Variants in SMAD9 observed in about 807,000 individuals in gnomAD.
SMAD9 encodes the protein MAD homolog 9.
Under a neutral mutation model 46.1 loss-of-function variants are expected in SMAD9, and 36 were observed. The ratio of observed to expected loss-of-function variants is 0.78; its 90% CI spans 0.60 to 1.03. The LOEUF (loss-of-function observed/expected upper bound fraction) is 1.03. Ranked by LOEUF, SMAD9 falls within the 50% of genes least tolerant of loss-of-function variation. The pLI, the probability that SMAD9 is intolerant of heterozygous loss-of-function variation, is 0.00. For missense variants in SMAD9, 572 were observed against 599.8 expected (o/e 0.95, Z 0.48); for synonymous variants, 245 against 237.1 (o/e 1.03, Z -0.31).
chr13:36,852,481 T>C, intron 6 of SMAD9: 3 of 985,390 alleles, frequency 3.0e-6, no homozygotes, highest in Non-Finnish European at 3.6e-6. Flanking sequence ...TCCTTCCCAC[T>C]AAGAAACTTC....
At chr13:36,911,211 T>G (rs2058658265) in intron 1 of SMAD9, among the ~76,000 whole-genome samples, 1 of 152,056 alleles carries the variant, frequency 6.6e-6, no homozygotes, top group Non-Finnish European at 1.5e-5. Flanking sequence ...GTTTTCACCA[T>G]GTTGTCCAGG....
At chr13:36,876,552 T>C in intron 2 of SMAD9, among the ~76,000 whole-genome samples, 1 of 152,192 alleles carries the variant, frequency 6.6e-6, no homozygotes, top group African/African-American at 2.4e-5. Context: ...GCTTATATTT[T>C]CTAAGTCTTT....
chr13:36,899,353 A>G (rs2058554953), intron 1 of SMAD9, among the ~76,000 whole-genome samples: 1 of 152,230 alleles, frequency 6.6e-6, no homozygotes. Context: ...AAATCAATCT[A>G]CAGATTCCAT....
chr13:36,920,437 G>A (rs1471762273), upstream of SMAD9, among the ~76,000 whole-genome samples: 2 of 151,792 alleles, frequency 1.3e-5, no homozygotes, highest in East Asian at 3.9e-4. Context: ...CGCGGCGCGG[G>A]GGTGGCGGGG....
chr13:36,900,327 C>T (rs7331240), intron 1 of SMAD9, among the ~76,000 whole-genome samples: 3,097 of 152,232 alleles, frequency 0.02, 101 homozygotes, highest in African/African-American at 0.071. Context: ...GTCATCCAGG[C>T]TGGAGTGCCG....
chr13:36,890,639 G>C (rs986495418), intron 1 of SMAD9, among the ~76,000 whole-genome samples: 2 of 152,114 alleles, frequency 1.3e-5, no homozygotes, highest in African/African-American at 4.8e-5. Context: ...GGTTTTGCAG[G>C]TAACTAGGCA....
intron 6 of SMAD9, chr13:36,849,471 T>C (rs549790607): frequency 4.0e-4 from 61 of 152,394 alleles, no homozygotes; most frequent in African/African-American, 1.3e-3. Context: ...TGATTCTCTG[T>C]AGAGTTTTTT....
chr13:36,874,636 T>A (rs1368742601), intron 2 of SMAD9, among the ~76,000 whole-genome samples: 5 of 152,014 alleles, frequency 3.3e-5, no homozygotes, highest in African/African-American at 1.2e-4. Flanking sequence ...GGCAGGTGGA[T>A]CACGAGGTCA....
At chr13:36,869,538 A>C (rs995065585) in intron 3 of SMAD9, among the ~76,000 whole-genome samples, 3 of 152,032 alleles carry the variant, frequency 2.0e-5, no homozygotes, top group African/African-American at 7.2e-5. Flanking sequence ...TACTCTTAAA[A>C]ATGGTTAAAA....
intron 1 of SMAD9, among the ~76,000 whole-genome samples, chr13:36,915,985 C>T (rs887105484): frequency 1.3e-5 from 2 of 152,116 alleles, no homozygotes; most frequent in Admixed American, 1.3e-4. Flanking sequence ...TTACACAGAA[C>T]ATGATATATT....
intron 5 of SMAD9, among the ~76,000 whole-genome samples, chr13:36,858,208 A>G (rs1199331261): frequency 6.7e-6 from 1 of 149,658 alleles, no homozygotes; most frequent in Non-Finnish European, 1.5e-5. Context: ...ATGGGTGGTA[A>G]AAAAAAATAC....
At chr13:36,854,200 G>T (rs937389396) in intron 5 of SMAD9, among the ~76,000 whole-genome samples, 4 of 151,916 alleles carry the variant, frequency 2.6e-5, no homozygotes, top group Admixed American at 6.6e-5. Context: ...AAAGTGGATT[G>T]CAACCCATGT....
At chr13:36,867,121 T>C (rs1397920758) in intron 4 of SMAD9, among the ~76,000 whole-genome samples, 152 bp downstream of exon 4, 1 of 152,220 alleles carries the variant, frequency 6.6e-6, no homozygotes, top group Non-Finnish European at 1.5e-5. Context: ...ATGTCAAAGT[T>C]AAAATGCAAA....
rs2058049901 is a variant in SMAD9 at position 36,848,475 on chromosome 13, G to A, written c.*201C>T. The A allele has an allele frequency of 1.6e-6, 1 of 607,816 alleles. No individual in the cohort carries two copies. The highest frequency in any genetic ancestry group is 2.8e-5 in the East Asian group (1 of 36,112). The allele number at this position is 607,816 out of a possible 1,614,324, so 37.7% of individuals were successfully genotyped here. A position where few individuals can be genotyped will look rare whatever the true frequency, so the allele number is the denominator to read the frequency against. On this transcript the variant is annotated 3_prime_UTR_variant, in exon 7 of 7. Coordinates refer to ENST00000379826, the MANE Select transcript of SMAD9 (RefSeq NM_001127217.3). ...TGCTGCTTATAGCACAGGCACCAAA[G>A]TCCTGCTTTTCCAATTGCACTGTAC...
intron 1 of SMAD9, among the ~76,000 whole-genome samples, chr13:36,913,647 C>A (rs1232559689): frequency 1.3e-5 from 2 of 152,192 alleles, no homozygotes; most frequent in Admixed American, 6.5e-5. Flanking sequence ...ACACAGCCAA[C>A]ACCTAATGAC....
At chr13:36,891,825 G>A (rs747668739) in intron 1 of SMAD9, among the ~76,000 whole-genome samples, 14 of 152,202 alleles carry the variant, frequency 9.2e-5, no homozygotes, top group Admixed American at 3.3e-4. Context: ...TCATTCGTCT[G>A]CTCCTTCCAT....
At position 36,885,636 on chromosome 13, in the gene SMAD9, T is replaced by A. The variant is rs548242622; in HGVS notation, c.-186-5761A>T. On this transcript the variant is annotated intron_variant, in intron 1 of 6. Coordinates refer to ENST00000379826, the MANE Select transcript of SMAD9 (RefSeq NM_001127217.3). ...ATATCCATGAAGGGTCAGTTCTAGT[T>A]TTCTGGGTGGAATACCTTTGGTCCA... Among the ~76,000 whole-genome samples, 6 of 151,984 alleles carry A rather than the reference T, an allele frequency of 3.9e-5. No individual in the cohort carries two copies. In the East Asian group the frequency reaches 9.7e-4, roughly 25 times the overall value.
intron 1 of SMAD9, among the ~76,000 whole-genome samples, chr13:36,888,734 C>T (rs2058467701): frequency 6.6e-6 from 1 of 152,176 alleles, no homozygotes; most frequent in African/African-American, 2.4e-5. Flanking sequence ...ATGTGCATGA[C>T]ACTTGGCACC....
Position 36,867,616 on chromosome 13 carries a change from TTTGAG to T in SMAD9, c.671-238_671-234del, listed in dbSNP as rs1253649536. ...GGGTCAATTCATTTTCCCTCCGACT[TTTGAG>T]TTATCATTGAGTTCTAATGACTTCA... On this transcript the variant is annotated intron_variant, in intron 3 of 6. Coordinates refer to ENST00000379826, the MANE Select transcript of SMAD9 (RefSeq NM_001127217.3). 3.3e-5 allele frequency among the ~76,000 whole-genome samples: 5 copies of T among 152,304 alleles called. No individual in the cohort carries two copies. In the East Asian group the frequency reaches 9.6e-4, roughly 29 times the overall value.
Sources: allele counts gnomAD v4.1 joint callset (sites outside exome capture counted in the v4.1 genomes callset), GRCh38; gene constraint gnomAD v4.1.1; transcripts MANE v1.5; gene names NCBI Gene and HGNC (gene_info 2026-07-23, HGNC 2026-07-21).